Variants in ABLIM1 observed in about 807,000 individuals in gnomAD.
ABLIM1 encodes the protein actin binding LIM protein 1.
In ABLIM1, 40 loss-of-function variants were observed where a neutral mutation model predicts 107.0. The observed-to-expected ratio is 0.37, with a 90% confidence interval of 0.29 to 0.49. ABLIM1 has a LOEUF of 0.49. ABLIM1 is among the 20% of genes least tolerant of loss of function. The probability of loss-of-function intolerance (pLI) is 0.97; values close to 1 mark genes in which losing one functional copy is unlikely to be tolerated. For synonymous variants in ABLIM1, 357 were observed against 357.3 expected (o/e 1.00, Z 0.01); for missense variants, 857 against 1,008.5 (o/e 0.85, Z 2.04).
chr10:114,763,799 T>C (rs865981982), intron 1 of ABLIM1, among the ~76,000 whole-genome samples: 4 of 152,216 alleles, frequency 2.6e-5, no homozygotes, highest in Non-Finnish European at 5.9e-5. Flanking sequence ...CAAGTCTGCC[T>C]GTACATAAGA....
chr10:114,488,090 A>T, intron 7 of ABLIM1, 74 bp from the exon 8 acceptor site: 1 of 1,465,494 alleles, frequency 6.8e-7, no homozygotes, highest in Non-Finnish European at 9.6e-7. Context: ...AGCACTTCTG[A>T]GAATGGCTCC....
At chr10:114,479,650 C>T (rs1043356863) in intron 8 of ABLIM1, among the ~76,000 whole-genome samples, 2 of 152,194 alleles carry the variant, frequency 1.3e-5, no homozygotes, top group Admixed American at 6.5e-5. Flanking sequence ...AAGTGACACA[C>T]ATGGATTGCC....
At chr10:114,614,408 C>T (rs577464494) in intron 1 of ABLIM1, among the ~76,000 whole-genome samples, 3 of 152,088 alleles carry the variant, frequency 2.0e-5, no homozygotes, top group African/African-American at 7.2e-5. Context: ...GCTGAGATTG[C>T]ACCTCCTACA....
chr10:114,799,061 G>C, the ABLIM1 span, among the ~76,000 whole-genome samples: 1 of 152,174 alleles, frequency 6.6e-6, no homozygotes, highest in Admixed American at 6.5e-5. Flanking sequence ...GCCTCCCAAA[G>C]TGTTGGGATT....
chr10:114,769,419 GAAGGAAAGAAA>G (rs2082984437), upstream of ABLIM1, among the ~76,000 whole-genome samples: 1 of 7,856 alleles, frequency 1.3e-4, no homozygotes, highest in Non-Finnish European at 3.1e-4. Flanking sequence ...AGAAAGAAAA[GAAGGAAAGAAA>G]GAAAGAAAGA....
At chr10:114,653,473 G>A (rs116268872) in intron 1 of ABLIM1, among the ~76,000 whole-genome samples, 7,412 of 152,280 alleles carry the variant, frequency 0.049, 238 homozygotes, top group Middle Eastern at 0.082. Flanking sequence ...GAGCTCAAGA[G>A]GTGAAGGCTG....
chr10:114,737,701 A>G (rs1229883427), intron 1 of ABLIM1, among the ~76,000 whole-genome samples: 1 of 152,244 alleles, frequency 6.6e-6, no homozygotes, highest in Non-Finnish European at 1.5e-5. Context: ...AAAGCTACCT[A>G]GTAAAGAAAT....
At chr10:114,598,108 C>T (rs948012319) in intron 2 of ABLIM1, among the ~76,000 whole-genome samples, 1 of 151,852 alleles carries the variant, frequency 6.6e-6, no homozygotes, top group African/African-American at 2.4e-5. Flanking sequence ...CCCGTGTCTA[C>T]AAATAATACA....
chr10:114,437,905 AG>A lies in ABLIM1; in HGVS notation c.2161del (p.Leu721SerfsTer3). 6.2e-7 allele frequency: 1 copy of A among 1,614,018 alleles called. No individual in the cohort carries two copies. The highest frequency in any genetic ancestry group is 8.5e-7 in the Non-Finnish European group (1 of 1,179,946). ...LEPKIFPYEMLMVTNRGRNKI... is the reference protein window; with the variant it reads ...LEPKIFPYEMXMVTNRGRNKI... Reference sequence around the variant, plus strand: ...GTTTCGCCCTCTGTTGGTCACCATGAGCATTTCATATGGAAATATCTGAGAA... The same window carrying A: ...GTTTCGCCCTCTGTTGGTCACCATGACATTTCATATGGAAATATCTGAGAA... On this transcript the variant is annotated frameshift_variant, in exon 22 of 23. Coordinates refer to ENST00000533213, the MANE Select transcript of ABLIM1 (RefSeq NM_002313.7). LOFTEE classifies it high-confidence loss of function.
chr10:114,748,751 G>A (rs995907997), intron 1 of ABLIM1, among the ~76,000 whole-genome samples: 34 of 150,886 alleles, frequency 2.3e-4, no homozygotes, highest in African/African-American at 7.8e-4. Flanking sequence ...CAAACTCCTA[G>A]GCTCTAGCAA....
intron 1 of ABLIM1, among the ~76,000 whole-genome samples, chr10:114,681,063 G>A (rs939160423): frequency 3.9e-5 from 6 of 152,218 alleles, no homozygotes; most frequent in African/African-American, 1.4e-4. Flanking sequence ...GTGGGGCCAA[G>A]AGCCACAATC....
chr10:114,571,435 G>C (rs1215381517), intron 3 of ABLIM1, 29 bp from the exon 4 acceptor site: 1 of 1,596,414 alleles, frequency 6.3e-7, no homozygotes, highest in Admixed American at 1.7e-5. Flanking sequence ...CGCCCTCAAG[G>C]TTATTGCAGC....
intron 21 of ABLIM1, 148 bp downstream of exon 21, chr10:114,439,028 C>G (rs1284988120): frequency 2.2e-6 from 2 of 900,542 alleles, no homozygotes; most frequent in Non-Finnish European, 3.5e-6. Flanking sequence ...GTGGGCAAAA[C>G]AGCAGAATGG....
chr10:114,575,645 C>T (rs559251118), intron 2 of ABLIM1, 46 bp from the exon 3 acceptor site: 39 of 1,575,968 alleles, frequency 2.5e-5, no homozygotes, highest in East Asian at 1.3e-4. Flanking sequence ...GCCACACTGC[C>T]GGGCAGCACT....
chr10:114,720,662 C>T (rs1320186466), intron 1 of ABLIM1, among the ~76,000 whole-genome samples: 1 of 151,974 alleles, frequency 6.6e-6, no homozygotes, highest in Non-Finnish European at 1.5e-5. Flanking sequence ...ATCCTGAAAC[C>T]TCCTTGTTGA....
At chr10:114,495,351 G>GA (rs1590416781) in intron 6 of ABLIM1, among the ~76,000 whole-genome samples, 1 of 152,160 alleles carries the variant, frequency 6.6e-6, no homozygotes, top group East Asian at 1.9e-4. Flanking sequence ...CAAGCTCTTG[G>GA]AACCTCTATT....
At chr10:114,546,976 G>A (rs1164905874) in intron 5 of ABLIM1, among the ~76,000 whole-genome samples, 1 of 151,808 alleles carries the variant, frequency 6.6e-6, no homozygotes, top group African/African-American at 2.4e-5. Context: ...TATATTAGTA[G>A]AGATGAGGTC....
exon 1 of ABLIM1, chr10:114,684,311 G>A (rs1436604161): frequency 6.2e-7 from 1 of 1,614,144 alleles, no homozygotes; most frequent in East Asian, 2.2e-5. Context: ...CCCATGGTGT[G>A]ATGAGGGTCC....
intron 2 of ABLIM1, among the ~76,000 whole-genome samples, chr10:114,600,945 G>C (rs1178383269): frequency 6.6e-6 from 1 of 152,066 alleles, no homozygotes; most frequent in Non-Finnish European, 1.5e-5. Flanking sequence ...CCAAAAGGTA[G>C]GCTTGTTAAT....
Sources: gnomAD v4.1 joint callset for allele counts (sites outside exome capture counted in the v4.1 genomes callset) on GRCh38, gnomAD v4.1.1 for gene constraint, MANE v1.5 for transcripts, NCBI Gene and HGNC (gene_info 2026-07-23, HGNC 2026-07-21) for gene names.